SYTL4: variants seen among roughly 807,000 people sequenced by gnomAD.
The protein encoded by SYTL4 is synaptotagmin like 4.
SYTL4 carries 16 observed loss-of-function variants against 52.7 expected under a neutral mutation model. That is an observed-to-expected ratio of 0.30 (90% CI 0.21 to 0.46). The LOEUF (loss-of-function observed/expected upper bound fraction) is 0.46. Ranked by LOEUF, SYTL4 falls within the 20% of genes least tolerant of loss-of-function variation. SYTL4 has a pLI of 1.00. For missense variants in SYTL4, 423 were observed against 519.9 expected, an observed-to-expected ratio of 0.81 and a Z score of 1.81; for synonymous variants, 160 against 186.6, an observed-to-expected ratio of 0.86 and a Z score of 1.16.
chrX:100,675,863 T>G lies in SYTL4; in HGVS notation c.*165A>C. On this transcript the variant is annotated 3_prime_UTR_variant, in exon 20 of 20. Coordinates refer to ENST00000372989, the MANE Select transcript of SYTL4 (RefSeq NM_001370165.1). ...GTCTGCATCACTCTAGCCAGCATAATGAGATTTGCAGAAAATACATGTTTG... is the reference window on the plus strand; with the variant it reads ...GTCTGCATCACTCTAGCCAGCATAAGGAGATTTGCAGAAAATACATGTTTG... The G allele has an allele frequency of 2.3e-6, 1 of 434,461 alleles. No homozygotes were observed. Among genetic ancestry groups the G allele is most frequent in the Non-Finnish European group, 3.7e-6 (1 of 273,661 alleles). 35.8% of individuals were successfully genotyped at this position (434,461 alleles called of 1,213,427 possible).
At chrX:100,694,765 A>T (rs536708270) in intron 8 of SYTL4, among the ~76,000 whole-genome samples, 1 of 112,044 alleles carries the variant, frequency 8.9e-6, no homozygotes, top group South Asian at 3.7e-4. Flanking sequence ...TCAAACAAAC[A>T]AACTAATAGA....
At chrX:100,680,840 A>G (rs2083359522) in intron 17 of SYTL4, among the ~76,000 whole-genome samples, 1 of 110,906 alleles carries the variant, frequency 9.0e-6, no homozygotes, top group African/African-American at 3.3e-5. Flanking sequence ...CATCTACACA[A>G]CCGTAGTCAC....
chrX:100,688,594 C>T (rs1237058318), intron 12 of SYTL4, 151 bp from the exon 13 acceptor site: 25 of 432,447 alleles, frequency 5.8e-5, no homozygotes, highest in Non-Finnish European at 8.7e-5. Flanking sequence ...GACGGAGTCT[C>T]ACTCTTGTTG....
chrX:100,729,360 T>C lies in SYTL4; in HGVS notation c.-240+2058A>G, dbSNP rs775857263. On this transcript the variant is annotated intron_variant, in intron 2 of 19. Coordinates refer to ENST00000372989, the MANE Select transcript of SYTL4 (RefSeq NM_001370165.1). ...CAGCAATCCCTGCCCACAGGGTGTT[T>C]ATGTTATGGTGGGTGAGGGAGTGGG... 9.0e-5 allele frequency among the ~76,000 whole-genome samples: 10 copies of C among 111,596 alleles called. No individual in the cohort carries two copies. In the East Asian group the frequency reaches 2.8e-3, roughly 32 times the overall value.
chrX:100,727,689 T>C (rs982226727), intron 2 of SYTL4, among the ~76,000 whole-genome samples: 1 of 112,043 alleles, frequency 8.9e-6, no homozygotes, highest in Admixed American at 9.5e-5. Flanking sequence ...GCAGAGGAGA[T>C]GGAGACGTGT....
At chrX:100,724,787 T>A (rs1458828671) in intron 2 of SYTL4, among the ~76,000 whole-genome samples, 5 of 105,507 alleles carry the variant, frequency 4.7e-5, no homozygotes, top group African/African-American at 1.7e-4. Flanking sequence ...TGTTCACTTG[T>A]TTATCTGCTG....
intron 2 of SYTL4, among the ~76,000 whole-genome samples, chrX:100,725,636 T>C (rs2084501484): frequency 8.9e-6 from 1 of 112,188 alleles, no homozygotes; most frequent in Non-Finnish European, 1.9e-5. Context: ...TGATACAATA[T>C]TTAATATACA....
intron 8 of SYTL4, among the ~76,000 whole-genome samples, chrX:100,693,063 G>T (rs1359103714): frequency 9.0e-6 from 1 of 111,638 alleles, no homozygotes; most frequent in East Asian, 2.8e-4. Context: ...TTGAGTAGCT[G>T]GGATTACAGG....
intron 19 of SYTL4, among the ~76,000 whole-genome samples, chrX:100,676,829 C>G (rs1220921727): frequency 9.0e-6 from 1 of 111,572 alleles, no homozygotes; most frequent in Non-Finnish European, 1.9e-5. Flanking sequence ...TAGCTGCAGA[C>G]TCCAGGTCAG....
At chrX:100,683,141 T>A (rs868646520) in intron 16 of SYTL4, among the ~76,000 whole-genome samples, 1,229 of 97,675 alleles carry the variant, frequency 0.013, 14 homozygotes, top group South Asian at 0.027. Context: ...GTATTTTTTT[T>A]TTTTTTTTTT....
chrX:100,710,306 T>C (rs1454439088), intron 2 of SYTL4, among the ~76,000 whole-genome samples: 3 of 111,859 alleles, frequency 2.7e-5, no homozygotes, highest in Non-Finnish European at 5.6e-5. Flanking sequence ...TGAATTAAAC[T>C]GCTCTTTTTA....
At chrX:100,709,328 A>G (rs374337823) in intron 2 of SYTL4, among the ~76,000 whole-genome samples, 26 of 97,108 alleles carry the variant, frequency 2.7e-4, no homozygotes, top group Admixed American at 1.9e-3. Flanking sequence ...CCCTGTCTCT[A>G]CAAAAAATAC....
At position 100,690,072 on chromosome X, in the gene SYTL4, T is replaced by A; in HGVS notation, c.808+3A>T. The A allele has an allele frequency of 8.3e-7, 1 of 1,205,826 alleles. No homozygotes were observed. The highest frequency in any genetic ancestry group is 1.8e-5 in the South Asian group (1 of 56,652). ...TGAAAGACCAGTAAGGGAAACCAGT[T>A]ACCTGAAGGCCTGAGGATTTTTCTG... On this transcript the variant is annotated splice_donor_region_variant and intron_variant, in intron 11 of 19. Transcript: ENST00000372989.
chrX:100,701,733 A>G (rs1410699975), intron 5 of SYTL4, 60 bp from the exon 6 acceptor site: 56 of 1,064,149 alleles, frequency 5.3e-5, no homozygotes, highest in Non-Finnish European at 7.2e-5. Context: ...TTGGATGGAG[A>G]GGGGTTGAGA....
chrX:100,682,368 T>C (rs748258668), intron 16 of SYTL4, among the ~76,000 whole-genome samples: 1 of 110,621 alleles, frequency 9.0e-6, no homozygotes, highest in South Asian at 3.9e-4. Context: ...ATACAAAGTA[T>C]TTTTACAAGG....
At chrX:100,724,374 C>T (rs1397625272) in intron 2 of SYTL4, among the ~76,000 whole-genome samples, 1 of 104,584 alleles carries the variant, frequency 9.6e-6, no homozygotes, top group East Asian at 3.1e-4. Context: ...GAGGTGTACC[C>T]AACAGCTCAT....
Position 100,690,160 on chromosome X carries a change from A to T in SYTL4, c.723T>A (p.Thr241=). The T allele has an allele frequency of 1.7e-6, 2 of 1,203,840 alleles. No homozygotes were observed. The highest frequency in any genetic ancestry group is 1.1e-6 in the Non-Finnish European group (1 of 888,608). ...SAPKSQVEKE[T]QPGGQNVVFV... ...ATACCACATTTTGACCTCCAGGCTGAGTTTCCTAGGAAGGAACAAGGGCAA... is the reference window on the plus strand; with the variant it reads ...ATACCACATTTTGACCTCCAGGCTGTGTTTCCTAGGAAGGAACAAGGGCAA... Residue 241 remains threonine (T), a synonymous_variant, in exon 11 of 20, where the codon ACT becomes ACA. Transcript: ENST00000372989.
chrX:100,688,144 A>C lies in SYTL4; in HGVS notation c.1005+207T>G, dbSNP rs753102228. 6.0e-5 allele frequency: 22 copies of C among 365,621 alleles called. No homozygotes were observed. The South Asian group carries it at 1.3e-3, about 21-fold the overall frequency. The allele number at this position is 365,621 out of a possible 1,213,427, so 30.1% of individuals were successfully genotyped here. A position where few individuals can be genotyped will look rare whatever the true frequency, so the allele number is the denominator to read the frequency against. ...AAAATGTCCCAAGCTGTAATGTAAT[A>C]ATCTCCAGGTGGGGGCTCAGGAAGT... On this transcript the variant is annotated intron_variant, in intron 13 of 19. Coordinates refer to ENST00000372989, the MANE Select transcript of SYTL4 (RefSeq NM_001370165.1).
At chrX:100,715,228 G>A (rs2798205) in intron 2 of SYTL4, among the ~76,000 whole-genome samples, 2 of 110,448 alleles carry the variant, frequency 1.8e-5, no homozygotes, top group Non-Finnish European at 3.8e-5. Context: ...TCACCATGTT[G>A]CCCAGGCTGG....
Sources: allele counts gnomAD v4.1 joint callset (sites outside exome capture counted in the v4.1 genomes callset), GRCh38; gene constraint gnomAD v4.1.1; transcripts MANE v1.5; gene names NCBI Gene and HGNC (gene_info 2026-07-23, HGNC 2026-07-21).